The following POP1 variants were observed in gnomAD, a reference collection of about 807,000 sequenced individuals.
POP1 encodes the protein ribonucleases P/MRP protein subunit POP1.
Under a neutral mutation model 102.2 loss-of-function variants are expected in POP1, and 75 were observed. The observed-to-expected ratio is 0.73, with a 90% confidence interval of 0.61 to 0.89. The LOEUF (loss-of-function observed/expected upper bound fraction) is 0.89, where lower values mean the gene tolerates loss of function less well. Ranked by LOEUF, POP1 falls within the 40% of genes least tolerant of loss-of-function variation. The pLI is 0.00. For synonymous variants in POP1, 436 were observed against 464.1 expected (o/e 0.94, Z 0.78); for missense variants, 1,116 against 1,267.4 (o/e 0.88, Z 1.81).
At chr8:98,132,421 G>A (rs562239803) in intron 5 of POP1, among the ~76,000 whole-genome samples, 29 of 152,336 alleles carry the variant, frequency 1.9e-4, no homozygotes, top group African/African-American at 6.7e-4. Context: ...ACTGACAGCT[G>A]AGAGCTGGTC....
At chr8:98,139,042 G>A (rs763662255) in intron 9 of POP1, among the ~76,000 whole-genome samples, 1 of 151,848 alleles carries the variant, frequency 6.6e-6, no homozygotes, top group Non-Finnish European at 1.5e-5. Context: ...TTTTAGTAGC[G>A]GTTTCACTAT....
intron 1 of POP1, among the ~76,000 whole-genome samples, chr8:98,118,668 C>T (rs1005253808): frequency 2.0e-5 from 3 of 152,172 alleles, no homozygotes; most frequent in Admixed American, 2.0e-4. Context: ...TCAAGCAATT[C>T]TCCCACCTCA....
intron 14 of POP1, among the ~76,000 whole-genome samples, chr8:98,154,250 C>T (rs746780709): frequency 1.3e-5 from 2 of 152,190 alleles, no homozygotes; most frequent in East Asian, 1.9e-4. Flanking sequence ...CTCTGCCACT[C>T]GGGCTGGCAT....
chr8:98,124,684 A>G (rs1341481020), intron 2 of POP1, among the ~76,000 whole-genome samples: 1 of 152,258 alleles, frequency 6.6e-6, no homozygotes, highest in Non-Finnish European at 1.5e-5. Context: ...AAACATGACT[A>G]CTATAAATAA....
intron 14 of POP1, among the ~76,000 whole-genome samples, chr8:98,153,869 T>A (rs557669457): frequency 6.6e-6 from 1 of 152,158 alleles, no homozygotes; most frequent in Non-Finnish European, 1.5e-5. Context: ...AACCACTTTC[T>A]TTCTGTAATT....
At position 98,134,513 on chromosome 8, in the gene POP1, C is replaced by T. The variant is rs1563775544; in HGVS notation, c.865C>T (p.Gln289Ter). 6.2e-7 allele frequency: 1 copy of T among 1,614,152 alleles called. No individual in the cohort carries two copies. Among genetic ancestry groups the T allele is most frequent in the East Asian group, 2.2e-5 (1 of 44,880 alleles). The stretch of plus-strand genomic sequence containing the variant: ...AGTTCACTGCTTGTCTGGAAAGCGC[C>T]AAGGGAGCCTTGTGCTTTATCGGGT... ...AAVHCLSGKR[Q>*]GSLVLYRVNK... Residue 289 changes from glutamine (Q) to a stop codon, truncating the protein, a stop_gained, in exon 7 of 16, where the codon CAA (glutamine) becomes TAA (stop). Coordinates refer to ENST00000401707, the MANE Select transcript of POP1 (RefSeq NM_001145860.2). LOFTEE classifies it high-confidence loss of function.
intron 9 of POP1, among the ~76,000 whole-genome samples, chr8:98,137,736 G>C (rs868823933): frequency 3.1e-4 from 47 of 152,310 alleles, no homozygotes; most frequent in African/African-American, 1.0e-3. Context: ...TGTGGCAGTT[G>C]AATACTTGAA....
chr8:98,158,422 G>A lies in POP1; in HGVS notation c.*151G>A. The A allele has an allele frequency of 1.1e-5, 9 of 797,046 alleles. No homozygotes were observed. Among genetic ancestry groups the A allele is most frequent in the Non-Finnish European group, 1.8e-5 (9 of 487,668 alleles). The allele number at this position is 797,046 out of a possible 1,614,324, so 49.4% of individuals were successfully genotyped here. A position where few individuals can be genotyped will look rare whatever the true frequency, so the allele number is the denominator to read the frequency against. ...TTATGTATTATGCAGATGATGAAAT[G>A]TTTACATCATTCCAGTAATGTCATT... On this transcript the variant is annotated 3_prime_UTR_variant, in exon 16 of 16. Coordinates refer to ENST00000401707, the MANE Select transcript of POP1 (RefSeq NM_001145860.2).
chr8:98,132,296 T>C (rs1870954), intron 5 of POP1, among the ~76,000 whole-genome samples: 98,204 of 151,904 alleles, frequency 0.65, 31,842 homozygotes, highest in South Asian at 0.82. Context: ...TACCCATGAT[T>C]GTATGGCCAA....
intron 15 of POP1, among the ~76,000 whole-genome samples, chr8:98,157,078 T>C (rs997315432): frequency 7.3e-5 from 11 of 151,010 alleles, no homozygotes; most frequent in African/African-American, 2.7e-4. Context: ...ATTTTCACCA[T>C]GTTGGCCAGG....
Position 98,133,876 on chromosome 8 carries a change from C to T in POP1, c.736-73C>T, listed in dbSNP as rs73701267. ...TTAGGCCTCTAAAGGTTTTGTGATA[C>T]GGCTTTTGGCTTCTTAGCAGTTTTG... On this transcript the variant is annotated intron_variant, in intron 5 of 15. Transcript: ENST00000401707. 51,001 of 1,109,514 alleles carry T rather than the reference C, an allele frequency of 0.046. 1,852 individuals are homozygous for T. Among genetic ancestry groups the T allele is most frequent in the Middle Eastern group, 0.16 (831 of 5,104 alleles). The allele number at this position is 1,109,514 out of a possible 1,614,324, so 68.7% of individuals were successfully genotyped here. A position where few individuals can be genotyped will look rare whatever the true frequency, so the allele number is the denominator to read the frequency against.
chr8:98,128,068 G>C (rs113015044), intron 3 of POP1, among the ~76,000 whole-genome samples: 4 of 152,114 alleles, frequency 2.6e-5, no homozygotes, highest in Non-Finnish European at 4.4e-5. Context: ...ACTCAGCACA[G>C]CATTCTCCAA....
intron 15 of POP1, 41 bp from the exon 16 acceptor site, chr8:98,157,576 G>T: frequency 6.2e-7 from 1 of 1,608,854 alleles, no homozygotes; most frequent in South Asian, 1.1e-5. Context: ...TTTTTTTCTG[G>T]AACAAAATAT....
intron 15 of POP1, among the ~76,000 whole-genome samples, chr8:98,157,348 C>T (rs1417751182): frequency 6.6e-6 from 1 of 152,162 alleles, no homozygotes; most frequent in African/African-American, 2.4e-5. Context: ...ACTGTGATTA[C>T]AATCCTAGAT....
At chr8:98,125,482 G>A (rs772260977) in intron 2 of POP1, among the ~76,000 whole-genome samples, 4 of 151,958 alleles carry the variant, frequency 2.6e-5, no homozygotes, top group African/African-American at 4.8e-5. Context: ...CACTGTACCC[G>A]GCCACAGACA....
chr8:98,128,267 TTGG>T (rs1388284785), intron 3 of POP1, 95 bp from the exon 4 acceptor site: 7 of 1,171,228 alleles, frequency 6.0e-6, no homozygotes, highest in Non-Finnish European at 6.2e-6. Flanking sequence ...TTACGCCTTC[TTGG>T]TGGAGGAATT....
Position 98,159,181 on chromosome 8 carries a change from T to C in POP1, c.*910T>C, listed in dbSNP as rs1183182966. 2.0e-5 allele frequency: 3 copies of C among 152,144 alleles called. No homozygotes were observed. The highest frequency in any genetic ancestry group is 2.9e-5 in the Non-Finnish European group (2 of 68,026). 9.4% of individuals were successfully genotyped at this position (152,144 alleles called of 1,614,324 possible). On this transcript the variant is annotated 3_prime_UTR_variant, in exon 16 of 16. Transcript: ENST00000401707. ...CGGATCTCTAGGAAGGAAATGATAG[T>C]GTATAGTATTTTCTAAATACTTGTG...
chr8:98,157,747 C>T lies in POP1; in HGVS notation c.2551C>T (p.His851Tyr). ...TREACLSILG[H>Y]FPRALVWVSL... ...AGAGGCTTGCCTGTCCATCTTGGGC[C>T]ACTTCCCCAGGGCCCTGGTTTGGGT... The change falls in exon 16 of 16, where the codon CAC becomes TAC. Residue 851 changes from histidine to tyrosine, a missense_variant. Physicochemically the swap from His to Tyr is moderately conservative, Grantham distance 83. Transcript: ENST00000401707. 6.2e-7 allele frequency: 1 copy of T among 1,614,206 alleles called. No homozygotes were observed. The highest frequency in any genetic ancestry group is 1.3e-5 in the African/African-American group (1 of 75,042).
intron 5 of POP1, among the ~76,000 whole-genome samples, chr8:98,133,182 A>G (rs866378353): frequency 6.6e-6 from 1 of 152,116 alleles, no homozygotes. Flanking sequence ...GCGCCTCTGT[A>G]CTCTAGCACT....
Sources: allele counts gnomAD v4.1 joint callset (sites outside exome capture counted in the v4.1 genomes callset), GRCh38; gene constraint gnomAD v4.1.1; transcripts MANE v1.5; gene names NCBI Gene and HGNC (gene_info 2026-07-23, HGNC 2026-07-21).